AOPEP: variants seen among roughly 807,000 people sequenced by gnomAD.
AOPEP encodes the protein aminopeptidase O (putative), also known as aminopeptidase O.
AOPEP carries 77 observed loss-of-function variants against 98.1 expected under a neutral mutation model. The ratio of observed to expected loss-of-function variants is 0.78; its 90% CI spans 0.65 to 0.95. The LOEUF (loss-of-function observed/expected upper bound fraction) is 0.95, where lower values mean the gene tolerates loss of function less well. Ranked by LOEUF, AOPEP falls within the 40% of genes least tolerant of loss-of-function variation. The pLI, the probability that AOPEP is intolerant of heterozygous loss-of-function variation, is 0.00. For missense variants in AOPEP, 1,024 were observed against 1,024.7 expected, an observed-to-expected ratio of 1.00 and a Z score of 0.01; for synonymous variants, 346 against 365.3, an observed-to-expected ratio of 0.95 and a Z score of 0.60.
At chr9:94,911,309 C>G (rs1236324899) in intron 5 of AOPEP, among the ~76,000 whole-genome samples, 1 of 152,204 alleles carries the variant, frequency 6.6e-6, no homozygotes, top group Non-Finnish European at 1.5e-5. Flanking sequence ...TTTAAAATGT[C>G]ATGGTGATAA....
At chr9:94,822,003 ACACACACACG>A (rs1306597059) in intron 5 of AOPEP, among the ~76,000 whole-genome samples, 3 of 144,896 alleles carry the variant, frequency 2.1e-5, no homozygotes, top group Non-Finnish European at 4.6e-5. Context: ...ACACACACAC[ACACACACACG>A]CAGGCATTCA....
chr9:94,857,743 T>C (rs1201633184), intron 5 of AOPEP, among the ~76,000 whole-genome samples: 3 of 152,204 alleles, frequency 2.0e-5, no homozygotes, highest in Non-Finnish European at 4.4e-5. Flanking sequence ...AAGTACAGGC[T>C]TATCATTTCA....
chr9:94,777,349 G>A (rs927850050), intron 3 of AOPEP, among the ~76,000 whole-genome samples: 3 of 151,462 alleles, frequency 2.0e-5, no homozygotes, highest in Non-Finnish European at 2.9e-5. Flanking sequence ...GGAGAATGGC[G>A]TGAACCCGGG....
chr9:95,038,197 T>C (rs1428907426), intron 13 of AOPEP, among the ~76,000 whole-genome samples: 1 of 152,174 alleles, frequency 6.6e-6, no homozygotes, highest in Non-Finnish European at 1.5e-5. Flanking sequence ...TTTCCAGTTA[T>C]ACCAAAAGTG....
chr9:94,728,686 G>A (rs1029078356), intron 1 of AOPEP, among the ~76,000 whole-genome samples: 1 of 152,160 alleles, frequency 6.6e-6, no homozygotes, highest in African/African-American at 2.4e-5. Flanking sequence ...AGGATTTAGA[G>A]GGCTGGATGA....
intron 13 of AOPEP, among the ~76,000 whole-genome samples, chr9:95,046,757 T>C (rs932975379): frequency 6.6e-6 from 1 of 152,194 alleles, no homozygotes; most frequent in Non-Finnish European, 1.5e-5. Flanking sequence ...AGAACAAGTG[T>C]TTGGGAGTCA....
At chr9:94,869,381 G>A (rs1446460220) in intron 5 of AOPEP, among the ~76,000 whole-genome samples, 1 of 152,198 alleles carries the variant, frequency 6.6e-6, no homozygotes, top group African/African-American at 2.4e-5. Context: ...TTGACTGTTA[G>A]TGAATGCCCT....
chr9:94,832,956 CAG>C (rs2041065379), intron 5 of AOPEP, among the ~76,000 whole-genome samples: 1 of 144,560 alleles, frequency 6.9e-6, no homozygotes. Flanking sequence ...TTTTTGGTGA[CAG>C]AGTCTCGCTC....
At chr9:94,889,696 A>G (rs911669100) in intron 5 of AOPEP, among the ~76,000 whole-genome samples, 1 of 152,222 alleles carries the variant, frequency 6.6e-6, no homozygotes, top group Non-Finnish European at 1.5e-5. Context: ...TCAGTTCTCT[A>G]GATAAATACC....
chr9:95,080,378 A>G (rs2069606036), intron 14 of AOPEP, among the ~76,000 whole-genome samples: 2 of 152,148 alleles, frequency 1.3e-5, no homozygotes, highest in South Asian at 4.1e-4. Flanking sequence ...TTAGTGGGGC[A>G]TGATGGCAGG....
In AOPEP at chr9:94,875,347, G is replaced by GAAAAAAAA. The variant is rs71366265; in HGVS notation, c.1365-48621_1365-48614dup. Among the ~76,000 whole-genome samples, 31 of 71,508 alleles carry GAAAAAAAA rather than the reference G, an allele frequency of 4.3e-4. 1 individual carries two copies. The highest frequency in any genetic ancestry group is 9.9e-4 in the African/African-American group (18 of 18,268). 46.9% of individuals were successfully genotyped at this position (71,508 alleles called of 152,430 possible). On this transcript the variant is annotated intron_variant, in intron 5 of 16. Transcript: ENST00000375315. ...AATTTAACAGAGTTTAATTGAGCAAGAAAAAAAAAAAAAAAAAAAAAAAAA... is the reference window on the plus strand; with the variant it reads ...AATTTAACAGAGTTTAATTGAGCAAGAAAAAAAAAAAAAAAAAAAAAAAAAAAAAAAAA...
chr9:95,046,132 G>C (rs2065847120), intron 13 of AOPEP, among the ~76,000 whole-genome samples: 1 of 152,186 alleles, frequency 6.6e-6, no homozygotes, highest in Non-Finnish European at 1.5e-5. Context: ...TAAAAATGGC[G>C]TGAACAAATA....
At chr9:94,772,280 A>G (rs1348589944) in intron 2 of AOPEP, among the ~76,000 whole-genome samples, 1 of 152,196 alleles carries the variant, frequency 6.6e-6, no homozygotes, top group Non-Finnish European at 1.5e-5. Flanking sequence ...TTTGTCAACC[A>G]TGACTTTATC....
intron 15 of AOPEP, 25 bp from the exon 16 acceptor site, chr9:95,082,550 G>A: frequency 1.2e-6 from 2 of 1,612,016 alleles, no homozygotes; most frequent in Non-Finnish European, 1.7e-6. Flanking sequence ...TTCGCCTGAT[G>A]CCCTTTGGCC....
chr9:94,921,451 G>C (rs1488068114), intron 5 of AOPEP: 1 of 152,234 alleles, frequency 6.6e-6, no homozygotes, highest in Non-Finnish European at 1.5e-5. Context: ...GTGAGCTAAA[G>C]AGAATTACTT....
At chr9:94,748,825 T>C (rs1835081430) in intron 1 of AOPEP, among the ~76,000 whole-genome samples, 3 of 152,346 alleles carry the variant, frequency 2.0e-5, no homozygotes, top group Admixed American at 2.0e-4. Flanking sequence ...TCAGGAATAC[T>C]ACAGAGGTAA....
At chr9:94,755,605 A>C (rs1365472626) in intron 1 of AOPEP, among the ~76,000 whole-genome samples, 1 of 152,178 alleles carries the variant, frequency 6.6e-6, no homozygotes, top group Non-Finnish European at 1.5e-5. Flanking sequence ...TTACAATAAG[A>C]ATTGGTTACT....
intron 13 of AOPEP, among the ~76,000 whole-genome samples, chr9:95,023,516 T>G (rs2063618462): frequency 6.6e-6 from 1 of 152,216 alleles, no homozygotes; most frequent in Non-Finnish European, 1.5e-5. Context: ...TCCAGTCGGC[T>G]CCTCCAAAGG....
intron 13 of AOPEP, among the ~76,000 whole-genome samples, chr9:95,013,987 T>C (rs1743573850): frequency 6.6e-6 from 1 of 152,220 alleles, no homozygotes; most frequent in South Asian, 2.1e-4. Context: ...ATTTTCCTTG[T>C]CTGTAAAATG....
Sources: gnomAD v4.1 joint callset for allele counts (sites outside exome capture counted in the v4.1 genomes callset) on GRCh38, gnomAD v4.1.1 for gene constraint, MANE v1.5 for transcripts, NCBI Gene and HGNC (gene_info 2026-07-23, HGNC 2026-07-21) for gene names.